CDH18: variants seen among roughly 807,000 people sequenced by gnomAD.
The protein encoded by CDH18 is cadherin 18, also known as cadherin-18.
Under a neutral mutation model 67.9 loss-of-function variants are expected in CDH18, and 31 were observed. That is an observed-to-expected ratio of 0.46 (90% CI 0.34 to 0.62). CDH18 has a LOEUF of 0.62. Ranked by LOEUF, CDH18 falls within the 20% of genes least tolerant of loss-of-function variation. CDH18 has a pLI of 0.01. For missense variants in CDH18, 890 were observed against 975.5 expected (o/e 0.91, Z 1.17); for synonymous variants, 362 against 347.2 (o/e 1.04, Z -0.48).
chr5:19,663,886 T>A (rs73760043), intron 5 of CDH18, among the ~76,000 whole-genome samples: 3,385 of 151,820 alleles, frequency 0.022, 120 homozygotes, highest in African/African-American at 0.076. Flanking sequence ...CTTTTTTTTT[T>A]AATTTAGATA....
chr5:20,265,812 G>A (rs1018323759), intron 1 of CDH18, among the ~76,000 whole-genome samples: 4 of 152,184 alleles, frequency 2.6e-5, no homozygotes, highest in Non-Finnish European at 4.4e-5. Flanking sequence ...TGGACTATGA[G>A]ATGCTCTGAA....
intron 7 of CDH18, among the ~76,000 whole-genome samples, chr5:19,579,906 C>T (rs887342276): frequency 6.6e-6 from 1 of 151,570 alleles, no homozygotes; most frequent in African/African-American, 2.4e-5. Flanking sequence ...CCACCCCCCC[C>T]AAAGAAATAT....
chr5:20,102,697 G>A (rs1746577233), intron 2 of CDH18, among the ~76,000 whole-genome samples: 1 of 152,012 alleles, frequency 6.6e-6, no homozygotes, highest in South Asian at 2.1e-4. Context: ...CAATCTGTGG[G>A]TATTTACAAA....
At chr5:20,464,700 C>T (rs1418636396) in intron 1 of CDH18, among the ~76,000 whole-genome samples, 1 of 152,084 alleles carries the variant, frequency 6.6e-6, no homozygotes, top group Non-Finnish European at 1.5e-5. Context: ...ATTAAAGTTC[C>T]ATTCTGATCC....
Position 20,269,713 on chromosome 5 carries a change from T to G in CDH18, c.-579-14208A>C, listed in dbSNP as rs114863451. ...AAACGAAATTATAGATATTGTAGACTTAGAAGGGTGAAGGGGTAAAAGTGG... is the reference window on the plus strand; with the variant it reads ...AAACGAAATTATAGATATTGTAGACGTAGAAGGGTGAAGGGGTAAAAGTGG... On this transcript the variant is annotated intron_variant, in intron 1 of 14. Coordinates refer to the CDH18 transcript ENST00000507958. Among the ~76,000 whole-genome samples, 1,508 of 152,116 alleles carry G rather than the reference T, an allele frequency of 9.9e-3. 9 individuals carry two copies. Among genetic ancestry groups the G allele is most frequent in the Admixed American group, 0.018 (269 of 15,248 alleles).
rs77020216 is a variant in CDH18 at position 20,107,482 on chromosome 5, T to C, written c.-517-115468A>G. On this transcript the variant is annotated intron_variant, in intron 2 of 14. Transcript: ENST00000507958. ...GATCAGAAGGATCCTAGGGGTTGTT[T>C]TGATTTATCTATATTCTTTATCCAC... 2.9e-4 allele frequency among the ~76,000 whole-genome samples: 44 copies of C among 152,306 alleles called. No homozygotes were observed. The East Asian group carries it at 7.3e-3, about 25-fold the overall frequency.
In CDH18 at chr5:20,427,632, G is replaced by A. The variant is rs184210393; in HGVS notation, c.-580+147830C>T. Among the ~76,000 whole-genome samples the A allele has an allele frequency of 1.7e-3, 261 of 151,130 alleles. 4 individuals are homozygous for A. In the Middle Eastern group the frequency reaches 0.027, roughly 16 times the overall value. On this transcript the variant is annotated intron_variant, in intron 1 of 14. Transcript: ENST00000507958. ...ATTGGTAAAATTTATTACACATTAG[G>A]TGTAAAATGGACATTGGTCTAAATT...
At chr5:20,209,088 C>T (rs189941143) in intron 2 of CDH18, among the ~76,000 whole-genome samples, 75 of 152,000 alleles carry the variant, frequency 4.9e-4, no homozygotes, top group African/African-American at 1.5e-3. Flanking sequence ...ATTAAAAAGA[C>T]GGGGAAGAAC....
Position 19,552,567 on chromosome 5 carries a change from C to T in CDH18, c.1254-8562G>A, listed in dbSNP as rs555353338. ...TGACATATAATTCAAACCCTATCAC[C>T]ACTACATGTTCACTATATTATGTGT... On this transcript the variant is annotated intron_variant, in intron 8 of 12. Transcript: ENST00000382275. 1.2e-4 allele frequency among the ~76,000 whole-genome samples: 18 copies of T among 152,256 alleles called. 1 individual carries two copies. In the South Asian group the frequency reaches 3.7e-3, roughly 32 times the overall value.
chr5:19,485,839 C>T (rs1028583298), intron 11 of CDH18, among the ~76,000 whole-genome samples: 5 of 152,062 alleles, frequency 3.3e-5, no homozygotes, highest in South Asian at 2.1e-4. Flanking sequence ...TCAGGAAACA[C>T]GAATAATAAC....
At chr5:19,522,452 G>A (rs347733) in intron 9 of CDH18, among the ~76,000 whole-genome samples, 79,815 of 151,966 alleles carry the variant, frequency 0.53, 21,374 homozygotes, top group African/African-American at 0.62. Context: ...GAGACAAAAT[G>A]TCACAAATAA....
intron 2 of CDH18, among the ~76,000 whole-genome samples, chr5:19,912,326 C>T (rs1791242959): frequency 6.6e-6 from 1 of 152,076 alleles, no homozygotes; most frequent in African/African-American, 2.4e-5. Context: ...ACATCAGGTA[C>T]TGAGGCTCTG....
intron 2 of CDH18, among the ~76,000 whole-genome samples, chr5:20,230,911 A>G (rs1160106066): frequency 6.6e-6 from 1 of 152,204 alleles, no homozygotes; most frequent in Non-Finnish European, 1.5e-5. Flanking sequence ...CTGTATACAC[A>G]GAGAGGGAAA....
At chr5:20,568,960 A>C (rs2126667127) in intron 1 of CDH18, among the ~76,000 whole-genome samples, 1 of 152,334 alleles carries the variant, frequency 6.6e-6, no homozygotes, top group South Asian at 2.1e-4. Flanking sequence ...CAAGTACTTT[A>C]CATTTTGTTT....
At chr5:19,776,862 A>G (rs1455149509) in intron 3 of CDH18, among the ~76,000 whole-genome samples, 1 of 152,238 alleles carries the variant, frequency 6.6e-6, no homozygotes, top group Non-Finnish European at 1.5e-5. Flanking sequence ...TAGTGAAAGT[A>G]GTAATAGGGA....
chr5:19,838,679 C>T lies in CDH18; in HGVS notation c.228+80G>A. ...AATTTGCTTCATTTGTCTATCTCTT[C>T]AAATATTTCTCCAACATGAGCTCAT... On this transcript the variant is annotated intron_variant, in intron 3 of 12. Transcript: ENST00000382275. 3 of 928,640 alleles carry T rather than the reference C, an allele frequency of 3.2e-6. No individual in the cohort carries two copies. In the South Asian group the frequency reaches 4.6e-5, roughly 14 times the overall value. 57.5% of individuals were successfully genotyped at this position (928,640 alleles called of 1,614,324 possible). A position where few individuals can be genotyped will look rare whatever the true frequency, so the allele number is the denominator to read the frequency against.
intron 2 of CDH18, among the ~76,000 whole-genome samples, chr5:20,229,853 G>C (rs1319432858): frequency 6.6e-6 from 1 of 151,988 alleles, no homozygotes; most frequent in Non-Finnish European, 1.5e-5. Flanking sequence ...ATTCTGTTTT[G>C]AGAGGAGCAT....
intron 1 of CDH18, among the ~76,000 whole-genome samples, chr5:20,500,327 C>T (rs189151441): frequency 2.0e-5 from 3 of 152,216 alleles, no homozygotes; most frequent in Admixed American, 2.0e-4. Context: ...TAGAAATTGG[C>T]TTTTGATGCT....
chr5:19,985,497 G>T (rs966060052), intron 1 of CDH18, among the ~76,000 whole-genome samples: 8 of 151,916 alleles, frequency 5.3e-5, no homozygotes, highest in African/African-American at 1.9e-4. Context: ...TGTATAGAGA[G>T]ATTTTTTTAT....
Sources: gnomAD v4.1 joint callset for allele counts (sites outside exome capture counted in the v4.1 genomes callset) on GRCh38, gnomAD v4.1.1 for gene constraint, MANE v1.5 for transcripts, NCBI Gene and HGNC (gene_info 2026-07-23, HGNC 2026-07-21) for gene names.